The following ERCC6 variants were observed in gnomAD, a reference collection of about 807,000 sequenced individuals.
ERCC6 encodes the protein DNA excision repair protein ERCC-6.
ERCC6 carries 116 observed loss-of-function variants against 158.7 expected under a neutral mutation model. The ratio of observed to expected loss-of-function variants is 0.73; its 90% confidence interval spans 0.63 to 0.85. The LOEUF is 0.85. ERCC6 is among the 40% of genes least tolerant of loss of function. The probability of loss-of-function intolerance (pLI) is 0.00; values close to 1 mark genes in which losing one functional copy is unlikely to be tolerated. For missense variants in ERCC6, 1,698 were observed against 1,799.4 expected (o/e 0.94, Z 1.02); for synonymous variants, 678 against 659.3 (o/e 1.03, Z -0.43).
At chr10:49,510,466 AC>A (rs1851514517) in intron 5 of ERCC6, among the ~76,000 whole-genome samples, 3 of 152,048 alleles carry the variant, frequency 2.0e-5, no homozygotes, top group African/African-American at 2.4e-5. Flanking sequence ...ATGCAGCACC[AC>A]CATGCACAGA....
At chr10:49,488,209 T>C (rs368887569) in intron 8 of ERCC6, 4 of 214,594 alleles carry the variant, frequency 1.9e-5, no homozygotes, top group Non-Finnish European at 4.0e-5. Context: ...GCTGCTGTTA[T>C]TATGGAGGCT....
At chr10:49,466,606 A>G (rs1850679530) in intron 18 of ERCC6, among the ~76,000 whole-genome samples, 1 of 152,170 alleles carries the variant, frequency 6.6e-6, no homozygotes, top group South Asian at 2.1e-4. Flanking sequence ...TGCAAAACTC[A>G]TGTCCCTTTG....
intron 11 of ERCC6, 91 bp downstream of exon 11, chr10:49,478,263 C>G (rs1004988766): frequency 1.2e-5 from 11 of 954,460 alleles, no homozygotes; most frequent in Non-Finnish European, 1.7e-6. Flanking sequence ...CATACCTCAC[C>G]AGACTCTCTC....
downstream of ERCC6, among the ~76,000 whole-genome samples, chr10:49,453,189 A>G (rs904192983): frequency 6.6e-6 from 1 of 152,122 alleles, no homozygotes; most frequent in African/African-American, 2.4e-5. Context: ...TTTCAACTAT[A>G]TTTCTGGAGT....
chr10:49,450,876 A>G (rs1850412168), downstream of ERCC6, among the ~76,000 whole-genome samples: 1 of 151,878 alleles, frequency 6.6e-6, no homozygotes, highest in African/African-American at 2.4e-5. Flanking sequence ...CGGTGGCACA[A>G]TCTTGGCTCA....
Position 49,532,560 on chromosome 10 carries a change from C to A in ERCC6, c.405G>T (p.Ser135=). ...QLVDVEKEYR[S]VLDDLTSCTT... ...GCACTCACGTGAGGTCATCCAGGACCGACCGATACTCCTTCTCCACGTCAA... is the reference window on the plus strand; with the variant it reads ...GCACTCACGTGAGGTCATCCAGGACAGACCGATACTCCTTCTCCACGTCAA... Residue 135 remains serine, a synonymous_variant, in exon 2 of 21, where the codon TCG becomes TCT. Transcript: ENST00000355832. The A allele has an allele frequency of 6.2e-7, 1 of 1,614,058 alleles. No individual in the cohort carries two copies. Among genetic ancestry groups the A allele is most frequent in the Non-Finnish European group, 8.5e-7 (1 of 1,180,046 alleles).
chr10:49,449,807 C>G (rs188785680), downstream of ERCC6, among the ~76,000 whole-genome samples: 1 of 152,056 alleles, frequency 6.6e-6, no homozygotes, highest in Non-Finnish European at 1.5e-5. Context: ...ACCTCAGCCT[C>G]CCAAAGTGTT....
At position 49,470,645 on chromosome 10, in the gene ERCC6, A is replaced by G. The variant is rs745341304; in HGVS notation, c.3315T>C (p.Asp1105=). 2.5e-6 allele frequency: 4 copies of G among 1,613,714 alleles called. No individual in the cohort carries two copies. Among genetic ancestry groups the G allele is most frequent in the Non-Finnish European group, 2.5e-6 (3 of 1,179,754 alleles). ...PHMSSNVTSN[D]RLGEETNAVS... The stretch of plus-strand genomic sequence containing the variant: ...CTGCATTTGTCTCTTCTCCAAGCCT[A>G]TCATTGCTAGTTACATTACTACTCA... The change falls in exon 18 of 21, where the codon GAT becomes GAC. Residue 1105 remains aspartate, a synonymous_variant. Transcript: ENST00000355832.
chr10:49,474,609 A>G (rs1590409671), intron 12 of ERCC6, among the ~76,000 whole-genome samples: 3 of 152,326 alleles, frequency 2.0e-5, no homozygotes, highest in South Asian at 2.1e-4. Flanking sequence ...ATGTCCTATC[A>G]ACCTAAATTT....
At chr10:49,479,375 C>T (rs1229853253) in intron 10 of ERCC6, among the ~76,000 whole-genome samples, 2 of 152,010 alleles carry the variant, frequency 1.3e-5, no homozygotes, top group Non-Finnish European at 2.9e-5. Flanking sequence ...TTAAAGAACG[C>T]TAAAAATACC....
the ERCC6 span, among the ~76,000 whole-genome samples, chr10:49,442,804 C>T: frequency 6.6e-6 from 1 of 152,192 alleles, no homozygotes; most frequent in Admixed American, 6.5e-5. Flanking sequence ...TCTTCACTTC[C>T]ATCTTTTTAT....
At chr10:49,435,185 C>G in the ERCC6 span, among the ~76,000 whole-genome samples, 1 of 152,172 alleles carries the variant, frequency 6.6e-6, no homozygotes, top group Admixed American at 6.5e-5. Context: ...CTGTATGTTT[C>G]TAACAATATA....
Position 49,472,368 on chromosome 10 carries a change from G to A in ERCC6, c.2924+8C>T. Reference sequence around the variant, plus strand: ...GCACAGCCAAGAGTGGCCACTGTGTGCACTGACCGGTGGTAGATCTTTTCT... The same window carrying A: ...GCACAGCCAAGAGTGGCCACTGTGTACACTGACCGGTGGTAGATCTTTTCT... On this transcript the variant is annotated splice_region_variant and intron_variant, in intron 16 of 20. Coordinates refer to ENST00000355832, the MANE Select transcript of ERCC6 (RefSeq NM_000124.4). 6.2e-7 allele frequency: 1 copy of A among 1,612,656 alleles called. No homozygotes were observed. The highest frequency in any genetic ancestry group is 8.5e-7 in the Non-Finnish European group (1 of 1,178,836).
intron 18 of ERCC6, 115 bp from the exon 19 acceptor site, chr10:49,461,671 A>G: frequency 1.0e-6 from 1 of 959,160 alleles, no homozygotes; most frequent in Admixed American, 2.0e-5. Flanking sequence ...TAGTACACTT[A>G]GAAAACCCTA....
the ERCC6 span, among the ~76,000 whole-genome samples, chr10:49,442,609 TC>T: frequency 6.6e-6 from 1 of 152,224 alleles, no homozygotes; most frequent in African/African-American, 2.4e-5. Flanking sequence ...CTGATGCCAG[TC>T]TTTTTCCAAA....
intron 15 of ERCC6, 65 bp downstream of exon 15, chr10:49,472,844 A>T (rs1471083360): frequency 7.6e-6 from 12 of 1,580,518 alleles, no homozygotes; most frequent in Non-Finnish European, 1.0e-5. Flanking sequence ...AGGACAGTCA[A>T]AAGCGCTAAC....
At chr10:49,500,825 G>A (rs1023962498) in intron 6 of ERCC6, 129 bp from the exon 7 acceptor site, 1 of 949,986 alleles carries the variant, frequency 1.1e-6, no homozygotes, top group Non-Finnish European at 1.6e-6. Flanking sequence ...CATGCGGGAT[G>A]TGTGTTTTAC....
At chr10:49,443,756 C>T in the ERCC6 span, among the ~76,000 whole-genome samples, 2 of 152,312 alleles carry the variant, frequency 1.3e-5, no homozygotes, top group East Asian at 3.9e-4. Flanking sequence ...TTACAACTGC[C>T]TACAGCAATC....
chr10:49,485,338 T>A (rs554753751), intron 8 of ERCC6, among the ~76,000 whole-genome samples: 1 of 152,294 alleles, frequency 6.6e-6, no homozygotes, highest in South Asian at 2.1e-4. Flanking sequence ...GCTAGTACTA[T>A]TGACACTAGG....
Sources: allele counts gnomAD v4.1 joint callset (sites outside exome capture counted in the v4.1 genomes callset), GRCh38; gene constraint gnomAD v4.1.1; transcripts MANE v1.5; gene names NCBI Gene and HGNC (gene_info 2026-07-23, HGNC 2026-07-21).